Variants in RBFOX1 observed in about 807,000 individuals in gnomAD.
RBFOX1 encodes RNA binding fox-1 homolog 1, also known as RNA binding protein fox-1 homolog 1.
Under a neutral mutation model 57.7 loss-of-function variants are expected in RBFOX1, and 8 were observed. The ratio of observed to expected loss-of-function variants is 0.14; its 90% CI spans 0.08 to 0.25. RBFOX1 has a LOEUF of 0.25. Among genes scored for constraint, RBFOX1 ranks in the 10% least tolerant of loss-of-function variants. The probability of loss-of-function intolerance (pLI) is 1.00; values close to 1 mark genes in which losing one functional copy is unlikely to be tolerated. For synonymous variants in RBFOX1, 326 were observed against 222.4 expected (o/e 1.47, Z -4.15); for missense variants, 611 against 548.5 (o/e 1.11, Z -1.14).
intron 4 of RBFOX1, among the ~76,000 whole-genome samples, chr16:7,483,434 A>G (rs1265348737): frequency 6.6e-6 from 1 of 152,222 alleles, no homozygotes; most frequent in African/African-American, 2.4e-5. Flanking sequence ...GTGTCATGTA[A>G]AAATATGAGG....
At chr16:6,406,007 G>A (rs1185073585) in intron 2 of RBFOX1, among the ~76,000 whole-genome samples, 2 of 152,146 alleles carry the variant, frequency 1.3e-5, no homozygotes, top group Non-Finnish European at 2.9e-5. Flanking sequence ...AGAACGCAGA[G>A]GAATTAAGGA....
chr16:6,980,079 C>G (rs555920197), intron 3 of RBFOX1, among the ~76,000 whole-genome samples: 1 of 152,254 alleles, frequency 6.6e-6, no homozygotes, highest in East Asian at 1.9e-4. Flanking sequence ...CACCTTGACC[C>G]TGGTGTTAGA....
chr16:7,364,229 G>T (rs966940220), intron 4 of RBFOX1, among the ~76,000 whole-genome samples: 3 of 152,198 alleles, frequency 2.0e-5, no homozygotes, highest in Admixed American at 6.5e-5. Flanking sequence ...CGGGCTAGCG[G>T]CTTTCCCATC....
intron 4 of RBFOX1, among the ~76,000 whole-genome samples, chr16:5,976,484 A>G (rs1330046725): frequency 1.3e-5 from 2 of 152,162 alleles, no homozygotes; most frequent in Non-Finnish European, 2.9e-5. Context: ...TTAGAATCCC[A>G]TTAGGAAAGA....
At position 6,997,136 on chromosome 16, in the gene RBFOX1, A is replaced by G. The variant is rs901318970; in HGVS notation, c.-15-54921A>G. Among the ~76,000 whole-genome samples, 8 of 152,090 alleles carry G rather than the reference A, an allele frequency of 5.3e-5. 1 individual carries two copies. The highest frequency in any genetic ancestry group is 7.2e-5 in the African/African-American group (3 of 41,418). On this transcript the variant is annotated intron_variant, in intron 3 of 15. Coordinates refer to ENST00000550418, the MANE Select transcript of RBFOX1 (RefSeq NM_018723.4). ...TTTGCCCCCAAACTTACAACTCTCA[A>G]TAGTTGTCTTTTCTGTTAGCTGAAA...
chr16:6,376,500 C>A lies in RBFOX1; in HGVS notation c.-64+59443C>A, dbSNP rs75596559. On this transcript the variant is annotated intron_variant, in intron 2 of 15. Coordinates refer to ENST00000550418, the MANE Select transcript of RBFOX1 (RefSeq NM_018723.4). Reference sequence around the variant, plus strand: ...CCAGTTTCTGGTAGTTGCTGGCATTCCCTGGCATTCTGCGGCTTGCAGCTG... The same window carrying A: ...CCAGTTTCTGGTAGTTGCTGGCATTACCTGGCATTCTGCGGCTTGCAGCTG... Among the ~76,000 whole-genome samples the A allele has an allele frequency of 9.1e-3, 1,384 of 152,262 alleles. 23 individuals are homozygous for A. The highest frequency in any genetic ancestry group is 0.03 in the African/African-American group (1,245 of 41,556).
intron 2 of RBFOX1, among the ~76,000 whole-genome samples, chr16:6,616,097 C>T (rs1271943303): frequency 1.3e-5 from 2 of 152,148 alleles, no homozygotes; most frequent in East Asian, 3.9e-4. Context: ...GACAGGGCCC[C>T]AATCCCAAAC....
intron 4 of RBFOX1, among the ~76,000 whole-genome samples, chr16:7,399,686 T>A (rs2098206418): frequency 1.3e-5 from 2 of 151,904 alleles, no homozygotes; most frequent in African/African-American, 4.8e-5. Flanking sequence ...CTTCTAAGAA[T>A]TTGTCGATGG....
chr16:5,869,619 C>G (rs918990022), intron 4 of RBFOX1, among the ~76,000 whole-genome samples: 1 of 152,080 alleles, frequency 6.6e-6, no homozygotes, highest in Non-Finnish European at 1.5e-5. Flanking sequence ...CCAGGATGGT[C>G]TCTATCTCTT....
chr16:6,737,515 C>T (rs533842653), intron 3 of RBFOX1, among the ~76,000 whole-genome samples: 1 of 152,196 alleles, frequency 6.6e-6, no homozygotes, highest in African/African-American at 2.4e-5. Context: ...TACGTGGTGG[C>T]TATGAACTTT....
intron 3 of RBFOX1, among the ~76,000 whole-genome samples, chr16:5,619,362 C>G (rs1157568818): frequency 6.6e-6 from 1 of 152,124 alleles, no homozygotes; most frequent in Non-Finnish European, 1.5e-5. Flanking sequence ...GCATGTTCAA[C>G]ATGAGATTAA....
At chr16:7,001,803 T>G (rs966769639) in intron 3 of RBFOX1, among the ~76,000 whole-genome samples, 9 of 152,270 alleles carry the variant, frequency 5.9e-5, no homozygotes, top group African/African-American at 2.2e-4. Flanking sequence ...GGCAGCTCAA[T>G]TTGGGAGATT....
chr16:7,014,313 A>G (rs929078596), intron 3 of RBFOX1, among the ~76,000 whole-genome samples: 1 of 151,952 alleles, frequency 6.6e-6, no homozygotes, highest in Non-Finnish European at 1.5e-5. Context: ...CCTGGGTTCA[A>G]GCAATCCTCC....
At chr16:7,205,833 G>A (rs113619442) in intron 4 of RBFOX1, among the ~76,000 whole-genome samples, 1 of 152,250 alleles carries the variant, frequency 6.6e-6, no homozygotes, top group Non-Finnish European at 1.5e-5. Flanking sequence ...AGAGAACTGT[G>A]TGTAGTAATT....
intron 2 of RBFOX1, among the ~76,000 whole-genome samples, chr16:6,521,826 C>G (rs1446616669): frequency 2.0e-5 from 3 of 152,092 alleles, no homozygotes; most frequent in African/African-American, 7.2e-5. Flanking sequence ...ATCCTCATGT[C>G]TAAAAATGGA....
At chr16:7,398,786 T>A (rs2098185974) in intron 4 of RBFOX1, among the ~76,000 whole-genome samples, 1 of 152,212 alleles carries the variant, frequency 6.6e-6, no homozygotes, top group African/African-American at 2.4e-5. Flanking sequence ...GCCAGCTATT[T>A]TCATTGTGGG....
At chr16:7,423,121 G>C (rs1222027243) in intron 4 of RBFOX1, 9 of 148,574 alleles carry the variant, frequency 6.1e-5, no homozygotes, top group African/African-American at 2.2e-4. Context: ...GAGAGAGAGA[G>C]AGAGAGAGAA....
intron 2 of RBFOX1, among the ~76,000 whole-genome samples, chr16:5,515,952 C>T (rs1028658613): frequency 2.6e-5 from 4 of 152,114 alleles, no homozygotes; most frequent in Non-Finnish European, 5.9e-5. Context: ...AACGGAGGCC[C>T]AGAATAGTGC....
At chr16:7,697,807 A>G (rs1015115140) in intron 14 of RBFOX1, among the ~76,000 whole-genome samples, 2 of 152,252 alleles carry the variant, frequency 1.3e-5, no homozygotes, top group East Asian at 1.9e-4. Context: ...TCTTGCTCCT[A>G]TGAAACTAGT....
Sources: gnomAD v4.1 joint callset for allele counts (sites outside exome capture counted in the v4.1 genomes callset) on GRCh38, gnomAD v4.1.1 for gene constraint, MANE v1.5 for transcripts, NCBI Gene and HGNC (gene_info 2026-07-23, HGNC 2026-07-21) for gene names.